The following CCDC178 variants were observed in gnomAD, a reference collection of about 807,000 sequenced individuals.
CCDC178 encodes the protein coiled-coil domain containing 178.
Under a neutral mutation model 117.4 loss-of-function variants are expected in CCDC178, and 126 were observed. The observed-to-expected ratio is 1.07, with a 90% CI of 0.93 to 1.24. CCDC178 has a LOEUF of 1.24. CCDC178 is among the 50% of genes most tolerant of loss of function. The probability of loss-of-function intolerance (pLI) is 0.00; values close to 1 mark genes in which losing one functional copy is unlikely to be tolerated. For missense variants in CCDC178, 1,030 were observed against 986.9 expected (o/e 1.04, Z -0.59); for synonymous variants, 283 against 313.4 (o/e 0.90, Z 1.02).
chr18:33,409,689 C>A (rs2063824876), intron 3 of CCDC178, among the ~76,000 whole-genome samples: 1 of 152,066 alleles, frequency 6.6e-6, no homozygotes, highest in Non-Finnish European at 1.5e-5. Flanking sequence ...AATTTCAATG[C>A]TTTTCTGGAT....
chr18:33,017,131 T>C (rs2056008339), intron 21 of CCDC178, among the ~76,000 whole-genome samples: 1 of 151,868 alleles, frequency 6.6e-6, no homozygotes, highest in Admixed American at 6.6e-5. Flanking sequence ...GAAATAAAAG[T>C]CATTCAGTTT....
chr18:33,188,739 T>C (rs1384360025), intron 20 of CCDC178, among the ~76,000 whole-genome samples: 39 of 152,152 alleles, frequency 2.6e-4, no homozygotes, highest in Non-Finnish European at 2.9e-5. Context: ...CAGTAGGAAA[T>C]GCAACTCTGC....
At chr18:33,307,737 G>A (rs1022485774) in intron 11 of CCDC178, among the ~76,000 whole-genome samples, 1 of 152,182 alleles carries the variant, frequency 6.6e-6, no homozygotes, top group Admixed American at 6.5e-5. Context: ...TTGGGATGTG[G>A]TGCCCTGCAT....
At chr18:33,325,745 G>A (rs1012551054) in intron 10 of CCDC178, among the ~76,000 whole-genome samples, 1 of 152,080 alleles carries the variant, frequency 6.6e-6, no homozygotes. Context: ...ATTTTTGAGA[G>A]TATAATTATT....
intron 21 of CCDC178, among the ~76,000 whole-genome samples, chr18:32,999,381 A>G (rs2055584919): frequency 6.6e-6 from 1 of 152,196 alleles, no homozygotes. Context: ...CCTGGACAGC[A>G]TCTCTGGACC....
chr18:33,398,629 G>A (rs373116919), intron 3 of CCDC178, among the ~76,000 whole-genome samples: 1 of 152,112 alleles, frequency 6.6e-6, no homozygotes, highest in Admixed American at 6.5e-5. Flanking sequence ...GACATAGTAA[G>A]TGTTAATACA....
chr18:33,294,697 TTAGA>T (rs1387058085), intron 11 of CCDC178, among the ~76,000 whole-genome samples: 1 of 152,068 alleles, frequency 6.6e-6, no homozygotes, highest in African/African-American at 2.4e-5. Flanking sequence ...GCAATGAGAG[TTAGA>T]TAGCCTCAAC....
chr18:33,188,768 C>A (rs994856150), intron 20 of CCDC178, among the ~76,000 whole-genome samples: 1 of 152,144 alleles, frequency 6.6e-6, no homozygotes, highest in African/African-American at 2.4e-5. Context: ...TGATTTCAAC[C>A]AAGCTTGTCA....
chr18:33,049,792 T>C (rs2056712384), intron 21 of CCDC178, among the ~76,000 whole-genome samples: 1 of 152,090 alleles, frequency 6.6e-6, no homozygotes, highest in African/African-American at 2.4e-5. Flanking sequence ...TAAAATATTT[T>C]AAGAATAAGG....
chr18:33,355,736 A>C (rs1055962903), intron 7 of CCDC178, among the ~76,000 whole-genome samples: 1 of 152,174 alleles, frequency 6.6e-6, no homozygotes, highest in Non-Finnish European at 1.5e-5. Context: ...ATATGCCTTT[A>C]AATGCTTTTT....
At chr18:33,340,961 C>T (rs1311353544) in intron 9 of CCDC178, among the ~76,000 whole-genome samples, 1 of 152,122 alleles carries the variant, frequency 6.6e-6, no homozygotes, top group African/African-American at 2.4e-5. Flanking sequence ...AGAGGGCCAC[C>T]ATCCTCCAGA....
At chr18:32,963,276 C>T (rs1314533481) in intron 22 of CCDC178, among the ~76,000 whole-genome samples, 4 of 152,032 alleles carry the variant, frequency 2.6e-5, no homozygotes, top group African/African-American at 9.7e-5. Context: ...TACTTCTCTG[C>T]TTTGAGCTGC....
intron 6 of CCDC178, among the ~76,000 whole-genome samples, chr18:33,356,629 C>G (rs1187549528): frequency 6.6e-6 from 1 of 151,964 alleles, no homozygotes; most frequent in African/African-American, 2.4e-5. Flanking sequence ...ATTATAACCT[C>G]CTGCCTTTGT....
intron 20 of CCDC178, among the ~76,000 whole-genome samples, chr18:33,140,844 C>T (rs2058195077): frequency 6.6e-6 from 1 of 152,164 alleles, no homozygotes; most frequent in Non-Finnish European, 1.5e-5. Flanking sequence ...TATGGTTTTG[C>T]TGTGTCCCAT....
At chr18:33,254,439 TATTGAGCATTG>T (rs1480157142) in intron 14 of CCDC178, among the ~76,000 whole-genome samples, 5 of 151,966 alleles carry the variant, frequency 3.3e-5, no homozygotes, top group African/African-American at 1.2e-4. Context: ...AATGGATACT[TATTGAGCATTG>T]ATTATATGTC....
intron 20 of CCDC178, among the ~76,000 whole-genome samples, chr18:33,126,010 G>C (rs2058000082): frequency 6.6e-6 from 1 of 152,186 alleles, no homozygotes; most frequent in Non-Finnish European, 1.5e-5. Flanking sequence ...TGAAGGTCCA[G>C]GCAGGAGATT....
At chr18:33,142,063 T>C (rs189629118) in intron 20 of CCDC178, among the ~76,000 whole-genome samples, 2 of 152,282 alleles carry the variant, frequency 1.3e-5, no homozygotes, top group Admixed American at 6.5e-5. Context: ...CTTTAAACTA[T>C]AGTTAAATAG....
chr18:33,417,952 C>CA (rs2063969509), intron 2 of CCDC178, among the ~76,000 whole-genome samples: 1 of 151,940 alleles, frequency 6.6e-6, no homozygotes, highest in African/African-American at 2.4e-5. Context: ...GAAATTATTC[C>CA]AAAAAACTGA....
chr18:33,240,676 G>A (rs929298954), intron 15 of CCDC178, among the ~76,000 whole-genome samples: 25 of 151,910 alleles, frequency 1.6e-4, no homozygotes, highest in African/African-American at 6.0e-4. Flanking sequence ...AACGTAAGCA[G>A]GCCAATAACA....
Sources: gnomAD v4.1 joint callset for allele counts (sites outside exome capture counted in the v4.1 genomes callset) on GRCh38, gnomAD v4.1.1 for gene constraint, MANE v1.5 for transcripts, NCBI Gene and HGNC (gene_info 2026-07-23, HGNC 2026-07-21) for gene names.